The following PDE4B variants were observed in gnomAD, a reference collection of about 807,000 sequenced individuals.
PDE4B encodes the protein 3',5'-cyclic-AMP phosphodiesterase 4B.
A neutral mutation model predicts 82.2 loss-of-function variants in PDE4B; 20 were observed. That is an observed-to-expected ratio of 0.24 (90% confidence interval 0.17 to 0.35). PDE4B has a LOEUF of 0.35. Ranked by LOEUF, PDE4B falls within the 10% of genes least tolerant of loss-of-function variation. PDE4B has a pLI of 1.00. For synonymous variants in PDE4B, 320 were observed against 318.9 expected, an observed-to-expected ratio of 1.00 and a Z score of -0.04; for missense variants, 655 against 907.2, an observed-to-expected ratio of 0.72 and a Z score of 3.57.
intron 3 of PDE4B, among the ~76,000 whole-genome samples, chr1:66,066,004 G>A (rs757244737): frequency 2.0e-5 from 3 of 151,666 alleles, no homozygotes; most frequent in African/African-American, 4.8e-5. Context: ...TTTTACTTTA[G>A]CAAAACTTCA....
intron 7 of PDE4B, chr1:66,266,738 C>G: frequency 1.9e-6 from 1 of 516,874 alleles, no homozygotes; most frequent in Non-Finnish European, 4.0e-6. Context: ...TGAAGGAACA[C>G]CATGGAGTTC....
chr1:66,236,823 G>A (rs1333111918), intron 3 of PDE4B, among the ~76,000 whole-genome samples: 1 of 152,160 alleles, frequency 6.6e-6, no homozygotes, highest in Admixed American at 6.5e-5. Context: ...ACACGTGTGA[G>A]TTGATTGATT....
At chr1:66,063,084 T>C (rs1296426824) in intron 3 of PDE4B, 1 of 152,036 alleles carries the variant, frequency 6.6e-6, no homozygotes, top group Non-Finnish European at 1.5e-5. Flanking sequence ...AATGGCCTCA[T>C]GTAGCTTATT....
chr1:65,972,170 C>G (rs1278568259), intron 3 of PDE4B, among the ~76,000 whole-genome samples: 1 of 152,082 alleles, frequency 6.6e-6, no homozygotes, highest in Non-Finnish European at 1.5e-5. Context: ...ATTTAGGTCC[C>G]TTGCACTTTC....
chr1:66,078,684 T>A (rs987083151), intron 3 of PDE4B, among the ~76,000 whole-genome samples: 1 of 152,220 alleles, frequency 6.6e-6, no homozygotes, highest in Non-Finnish European at 1.5e-5. Flanking sequence ...TTAAAAATCA[T>A]GACAGCTTCC....
intron 8 of PDE4B, among the ~76,000 whole-genome samples, chr1:66,344,970 G>GT (rs1661278372): frequency 6.6e-6 from 1 of 152,184 alleles, no homozygotes; most frequent in South Asian, 2.1e-4. Context: ...AGTTATAGCT[G>GT]TTTCTTATTT....
At position 65,979,931 on chromosome 1, in the gene PDE4B, C is replaced by A. The variant is rs553593491; in HGVS notation, c.281+61096C>A. ...TAGGAGATTAAAGCTGAGGAAGGTACGAGAAAGGGCAGGGCTGTTGTTTTA... is the reference window on the plus strand; with the variant it reads ...TAGGAGATTAAAGCTGAGGAAGGTAAGAGAAAGGGCAGGGCTGTTGTTTTA... On this transcript the variant is annotated intron_variant, in intron 3 of 16. Transcript: ENST00000341517. 2.0e-5 allele frequency among the ~76,000 whole-genome samples: 3 copies of A among 151,988 alleles called. No homozygotes were observed. The East Asian group carries it at 5.8e-4, about 29-fold the overall frequency.
chr1:66,339,906 T>G (rs1740417), intron 8 of PDE4B, among the ~76,000 whole-genome samples: 77,331 of 150,830 alleles, frequency 0.51, 21,624 homozygotes, highest in East Asian at 0.81. Flanking sequence ...TGTATGCCAT[T>G]GTTGTCTATG....
chr1:65,939,878 T>C (rs1241287482), intron 3 of PDE4B, among the ~76,000 whole-genome samples: 1 of 152,152 alleles, frequency 6.6e-6, no homozygotes, highest in African/African-American at 2.4e-5. Context: ...TAGAGCTGAA[T>C]ATCTCATCCT....
In PDE4B at chr1:66,002,641, C is replaced by A. The variant is rs922435819; in HGVS notation, c.281+83806C>A. 1.1e-4 allele frequency among the ~76,000 whole-genome samples: 17 copies of A among 152,026 alleles called. No homozygotes were observed. The South Asian group carries it at 2.5e-3, about 22-fold the overall frequency. ...GTAGTATACTGTAGAACTTGGGGTT[C>A]TATCACTGTATAATTTTGACGTTGT... On this transcript the variant is annotated intron_variant, in intron 3 of 16. Transcript: ENST00000341517.
chr1:66,359,009 G>A (rs181097409), intron 9 of PDE4B, among the ~76,000 whole-genome samples: 98 of 152,278 alleles, frequency 6.4e-4, no homozygotes, highest in African/African-American at 2.3e-3. Context: ...GGTTGCTGGT[G>A]CAAGGGGAAA....
At chr1:66,257,355 C>A in intron 4 of PDE4B, 2 of 520,544 alleles carry the variant, frequency 3.8e-6, no homozygotes, top group South Asian at 1.8e-5. Context: ...AATTACAGTA[C>A]TCTGGATCTG....
intron 1 of PDE4B, among the ~76,000 whole-genome samples, chr1:65,893,258 G>C (rs1646871759): frequency 6.6e-6 from 1 of 151,950 alleles, no homozygotes; most frequent in African/African-American, 2.4e-5. Context: ...AAAATGCAAA[G>C]ATCTTTGACT....
intron 3 of PDE4B, among the ~76,000 whole-genome samples, chr1:66,014,118 C>T (rs572459308): frequency 8.6e-4 from 131 of 151,970 alleles, no homozygotes; most frequent in Middle Eastern, 6.8e-3. Context: ...CTGTTTAAGT[C>T]CTTTGTACAT....
intron 6 of PDE4B, among the ~76,000 whole-genome samples, chr1:66,262,037 G>A (rs1654718927): frequency 6.6e-6 from 1 of 152,140 alleles, no homozygotes. Flanking sequence ...TGGCTATCAG[G>A]AAATAATGTA....
intron 1 of PDE4B, among the ~76,000 whole-genome samples, chr1:65,812,146 G>T (rs1295531074): frequency 6.6e-6 from 1 of 152,142 alleles, no homozygotes; most frequent in African/African-American, 2.4e-5. Context: ...ACTCATCCCT[G>T]ACCTCAGCCC....
intron 1 of PDE4B, among the ~76,000 whole-genome samples, chr1:65,796,315 C>T (rs976196772): frequency 2.0e-5 from 3 of 152,136 alleles, no homozygotes; most frequent in Non-Finnish European, 4.4e-5. Flanking sequence ...GTGTTTCAGC[C>T]CCACTCTCTT....
At chr1:66,368,717 G>A (rs2102059172) in intron 15 of PDE4B, 70 bp from the exon 16 acceptor site, 2 of 1,226,870 alleles carry the variant, frequency 1.6e-6, no homozygotes, top group South Asian at 1.9e-5. Context: ...GTACTAGTAT[G>A]AGAGGCATGA....
chr1:65,979,123 T>C (rs756283734), intron 3 of PDE4B, among the ~76,000 whole-genome samples: 3 of 152,204 alleles, frequency 2.0e-5, no homozygotes, highest in Admixed American at 6.5e-5. Flanking sequence ...AAGGTCCTTA[T>C]TGGAACCCTC....
Sources: gnomAD v4.1 joint callset for allele counts (sites outside exome capture counted in the v4.1 genomes callset) on GRCh38, gnomAD v4.1.1 for gene constraint, MANE v1.5 for transcripts, NCBI Gene and HGNC (gene_info 2026-07-23, HGNC 2026-07-21) for gene names.